NAALADL2: variants seen among roughly 807,000 people sequenced by gnomAD.
The protein encoded by NAALADL2 is N-acetylated alpha-linked acidic dipeptidase like 2.
In NAALADL2, 76 loss-of-function variants were observed where a neutral mutation model predicts 87.2. The ratio of observed to expected loss-of-function variants is 0.87; its 90% CI spans 0.72 to 1.05. The LOEUF is 1.05. Ranked by LOEUF, NAALADL2 falls within the 50% of genes least tolerant of loss-of-function variation. The probability of loss-of-function intolerance (pLI) is 0.00; values close to 1 mark genes in which losing one functional copy is unlikely to be tolerated. For missense variants in NAALADL2, 1,089 were observed against 945.8 expected, an observed-to-expected ratio of 1.15 and a Z score of -1.99; for synonymous variants, 354 against 331.0, an observed-to-expected ratio of 1.07 and a Z score of -0.75.
In NAALADL2 at chr3:175,339,301, C is replaced by A. The variant is rs13318208; in HGVS notation, c.1090+14976C>A. Among the ~76,000 whole-genome samples, 549 of 152,156 alleles carry A rather than the reference C, an allele frequency of 3.6e-3. 3 individuals carry two copies. Among genetic ancestry groups the A allele is most frequent in the African/African-American group, 0.013 (540 of 41,496 alleles). On this transcript the variant is annotated intron_variant, in intron 5 of 13. Coordinates refer to ENST00000454872, the MANE Select transcript of NAALADL2 (RefSeq NM_207015.3). ...CTAGCTTGGAATTGTTAGGTTCCAT[C>A]GGCTGAGTGCCATGTGAAAAGTTTC...
chr3:175,020,363 A>G (rs1344992760), intron 1 of NAALADL2, among the ~76,000 whole-genome samples: 1 of 152,212 alleles, frequency 6.6e-6, no homozygotes, highest in African/African-American at 2.4e-5. Context: ...TCTGTGTTTC[A>G]AACTGATGTT....
chr3:175,136,841 A>G (rs949737106), intron 2 of NAALADL2, among the ~76,000 whole-genome samples: 2 of 152,196 alleles, frequency 1.3e-5, no homozygotes, highest in Non-Finnish European at 2.9e-5. Flanking sequence ...CTATAAGTCA[A>G]TAAAAATTAT....
chr3:174,622,698 C>G (rs1721127810), intron 2 of NAALADL2, among the ~76,000 whole-genome samples: 1 of 152,126 alleles, frequency 6.6e-6, no homozygotes, highest in Non-Finnish European at 1.5e-5. Context: ...AATGCATTTA[C>G]AGTACTGTAC....
chr3:174,464,630 T>A (rs1281168133), intron 1 of NAALADL2, among the ~76,000 whole-genome samples: 1 of 152,034 alleles, frequency 6.6e-6, no homozygotes, highest in Non-Finnish European at 1.5e-5. Context: ...CTGTCTAGTA[T>A]AACAACTAGT....
At chr3:175,608,573 A>G (rs1724110670) in intron 10 of NAALADL2, among the ~76,000 whole-genome samples, 1 of 151,976 alleles carries the variant, frequency 6.6e-6, no homozygotes, top group Admixed American at 6.6e-5. Context: ...GCTTCCACAG[A>G]CTTTGGCATA....
At chr3:175,465,760 C>G (rs76270506) in intron 7 of NAALADL2, among the ~76,000 whole-genome samples, 2 of 152,158 alleles carry the variant, frequency 1.3e-5, no homozygotes, top group Non-Finnish European at 2.9e-5. Context: ...CGTGAGCCAC[C>G]GCCCATTAAT....
intron 11 of NAALADL2, among the ~76,000 whole-genome samples, chr3:175,655,721 A>G (rs113617609): frequency 0.04 from 6,053 of 151,692 alleles, 422 homozygotes; most frequent in African/African-American, 0.14. Flanking sequence ...AAATAAAATA[A>G]AATAAAATAA....
At chr3:175,685,449 GGTGTGTGTGTGTGT>G (rs59449046) in intron 11 of NAALADL2, among the ~76,000 whole-genome samples, 25 of 144,688 alleles carry the variant, frequency 1.7e-4, no homozygotes, top group Admixed American at 4.9e-4. Context: ...ACCAACAGGA[GGTGTGTGTGTGTGT>G]GTGTGTGTGT....
At chr3:174,902,777 C>T (rs1461501553) in intron 1 of NAALADL2, among the ~76,000 whole-genome samples, 4 of 151,982 alleles carry the variant, frequency 2.6e-5, no homozygotes, top group Non-Finnish European at 5.9e-5. Context: ...AAAGTATACT[C>T]AAGGAGGGCG....
intron 5 of NAALADL2, among the ~76,000 whole-genome samples, chr3:175,412,979 C>T (rs1305037840): frequency 1.4e-5 from 2 of 148,140 alleles, no homozygotes; most frequent in South Asian, 2.1e-4. Flanking sequence ...AGTGCAGTGG[C>T]GCAATCTGGG....
intron 7 of NAALADL2, among the ~76,000 whole-genome samples, chr3:175,464,800 A>G (rs1723722041): frequency 6.6e-6 from 1 of 152,218 alleles, no homozygotes; most frequent in African/African-American, 2.4e-5. Context: ...CTCTGATTAT[A>G]GTTCTTTAAA....
chr3:175,333,960 TATC>T (rs1390083474), intron 5 of NAALADL2, among the ~76,000 whole-genome samples: 2 of 152,178 alleles, frequency 1.3e-5, no homozygotes, highest in African/African-American at 2.4e-5. Context: ...TATGTATAAA[TATC>T]ATGTATCATT....
At chr3:174,589,123 A>T (rs1717068180) in intron 2 of NAALADL2, among the ~76,000 whole-genome samples, 1 of 152,156 alleles carries the variant, frequency 6.6e-6, no homozygotes. Context: ...GTTCGATCTC[A>T]GACTACTGTG....
chr3:175,740,336 A>G (rs573904491), intron 12 of NAALADL2, among the ~76,000 whole-genome samples: 131 of 152,320 alleles, frequency 8.6e-4, no homozygotes, highest in Non-Finnish European at 1.4e-3. Context: ...GCCGGATTAG[A>G]AGGCATCCGA....
chr3:175,211,162 C>T (rs1357800290), intron 2 of NAALADL2, among the ~76,000 whole-genome samples: 1 of 151,782 alleles, frequency 6.6e-6, no homozygotes, highest in East Asian at 1.9e-4. Context: ...AAGGTGGGGG[C>T]ATTGCTTCAA....
chr3:175,419,512 A>G (rs1715277874), intron 5 of NAALADL2, among the ~76,000 whole-genome samples: 2 of 151,968 alleles, frequency 1.3e-5, no homozygotes, highest in African/African-American at 4.8e-5. Flanking sequence ...AAATTATCCA[A>G]CCATTTCTAT....
chr3:174,531,205 A>T (rs1338044104), intron 1 of NAALADL2, among the ~76,000 whole-genome samples: 1 of 151,434 alleles, frequency 6.6e-6, no homozygotes. Flanking sequence ...ATCAACTTTT[A>T]TCACATTTTC....
chr3:174,592,287 G>A (rs1218796211), intron 2 of NAALADL2, among the ~76,000 whole-genome samples: 1 of 151,912 alleles, frequency 6.6e-6, no homozygotes, highest in Non-Finnish European at 1.5e-5. Context: ...TAGGGTGCAT[G>A]TGCACAATGT....
chr3:174,898,112 CAAAAAAAAAAAA>C (rs913382744), intron 1 of NAALADL2, among the ~76,000 whole-genome samples: 725 of 14,472 alleles, frequency 0.05, 2 homozygotes, highest in South Asian at 0.23. Flanking sequence ...GACTCCGTCT[CAAAAAAAAAAAA>C]AAAAAAAAAA....
Sources: allele counts gnomAD v4.1 joint callset (sites outside exome capture counted in the v4.1 genomes callset), GRCh38; gene constraint gnomAD v4.1.1; transcripts MANE v1.5; gene names NCBI Gene and HGNC (gene_info 2026-07-23, HGNC 2026-07-21).